SLIT3: variants seen among roughly 807,000 people sequenced by gnomAD.
SLIT3 encodes slit guidance ligand 3, also known as slit homolog 3 protein.
SLIT3 carries 68 observed loss-of-function variants against 184.0 expected under a neutral mutation model. The ratio of observed to expected loss-of-function variants is 0.37; its 90% CI spans 0.30 to 0.45. SLIT3 has a LOEUF of 0.45. Among genes scored for constraint, SLIT3 ranks in the 20% least tolerant of loss-of-function variants. The pLI, the probability that SLIT3 is intolerant of heterozygous loss-of-function variation, is 1.00. For synonymous variants in SLIT3, 831 were observed against 828.6 expected (o/e 1.00, Z -0.05); for missense variants, 1,707 against 2,026.0 (o/e 0.84, Z 3.02).
intron 4 of SLIT3, among the ~76,000 whole-genome samples, chr5:169,182,718 G>C (rs1327377657): frequency 2.0e-5 from 3 of 152,104 alleles, no homozygotes; most frequent in Admixed American, 2.0e-4. Flanking sequence ...TGTGTGTTTG[G>C]GTTCTGCTCA....
At chr5:168,998,629 G>C (rs895038589) in intron 4 of SLIT3, among the ~76,000 whole-genome samples, 6 of 151,998 alleles carry the variant, frequency 3.9e-5, no homozygotes, top group African/African-American at 1.5e-4. Context: ...GCTTGAACCC[G>C]AGAGGCAGAG....
At chr5:168,837,219 C>G (rs1181800019) in intron 6 of SLIT3, among the ~76,000 whole-genome samples, 1 of 152,092 alleles carries the variant, frequency 6.6e-6, no homozygotes, top group African/African-American at 2.4e-5. Flanking sequence ...ATTTACAGCA[C>G]AGTACCAAAA....
intron 19 of SLIT3, 27 bp from the exon 20 acceptor site, chr5:168,748,461 G>A (rs747190941): frequency 1.3e-6 from 2 of 1,507,242 alleles, no homozygotes. Context: ...AGAGGGTGAG[G>A]GTTGTGGGAG....
intron 4 of SLIT3, among the ~76,000 whole-genome samples, chr5:169,083,683 T>C (rs577319947): frequency 6.6e-6 from 1 of 152,254 alleles, no homozygotes; most frequent in East Asian, 1.9e-4. Flanking sequence ...AGGGCTGCAG[T>C]CAGCCATCAC....
At chr5:169,105,119 T>C (rs1329001757) in intron 4 of SLIT3, among the ~76,000 whole-genome samples, 1 of 152,220 alleles carries the variant, frequency 6.6e-6, no homozygotes, top group Non-Finnish European at 1.5e-5. Flanking sequence ...GGCAGGTTTC[T>C]GGCAGATCCA....
chr5:168,938,726 GT>G (rs1434683877), intron 4 of SLIT3, among the ~76,000 whole-genome samples: 1 of 152,090 alleles, frequency 6.6e-6, no homozygotes, highest in Non-Finnish European at 1.5e-5. Flanking sequence ...CTCCTCCCGG[GT>G]TCAAGCGATT....
At chr5:168,808,040 C>T (rs1056441924) in intron 8 of SLIT3, among the ~76,000 whole-genome samples, 2 of 152,170 alleles carry the variant, frequency 1.3e-5, no homozygotes, top group Non-Finnish European at 2.9e-5. Context: ...ACCTCACTTA[C>T]ATATACACAA....
chr5:169,222,709 A>C (rs1481534034), intron 3 of SLIT3, among the ~76,000 whole-genome samples: 1 of 152,248 alleles, frequency 6.6e-6, no homozygotes, highest in South Asian at 2.1e-4. Context: ...CTTAGCTTGC[A>C]AAACATAATG....
At chr5:169,257,785 C>A (rs183295762) in intron 1 of SLIT3, among the ~76,000 whole-genome samples, 182 of 152,102 alleles carry the variant, frequency 1.2e-3, no homozygotes, top group Middle Eastern at 6.8e-3. Flanking sequence ...AAACTCCTGA[C>A]CTCAGGTGAT....
rs771724673 is a variant in SLIT3, at chr5:168,696,359, G to A, written c.3015C>T (p.Cys1005=). ...CGTCCACGCAGGTGGCATTGTTTTC[G>A]CAGTCGTTGTCCTCACAGTCATCTG... is the stretch of plus-strand genomic sequence containing the variant. ...INPDDCEDND[C]ENNATCVDGI... Residue 1005 remains cysteine, a synonymous_variant, in exon 28 of 36, where the codon TGC becomes TGT. Coordinates refer to ENST00000519560, the MANE Select transcript of SLIT3 (RefSeq NM_003062.4). 85 of 1,614,000 alleles carry A rather than the reference G, an allele frequency of 5.3e-5. No individual in the cohort carries two copies. Among genetic ancestry groups the A allele is most frequent in the Non-Finnish European group, 6.5e-5 (77 of 1,180,026 alleles).
At chr5:169,196,478 G>A (rs1581043107) in intron 3 of SLIT3, among the ~76,000 whole-genome samples, 1 of 152,200 alleles carries the variant, frequency 6.6e-6, no homozygotes, top group Non-Finnish European at 1.5e-5. Flanking sequence ...CAACAGTGAT[G>A]ATAATGGTAT....
intron 23 of SLIT3, among the ~76,000 whole-genome samples, chr5:168,722,001 A>G (rs1288541755): frequency 6.6e-6 from 1 of 152,360 alleles, no homozygotes; most frequent in East Asian, 1.9e-4. Context: ...CATTTTACAC[A>G]TAAAGAAGCA....
intron 28 of SLIT3, among the ~76,000 whole-genome samples, chr5:168,693,526 A>G (rs1358349032): frequency 6.6e-6 from 1 of 152,202 alleles, no homozygotes; most frequent in Non-Finnish European, 1.5e-5. Context: ...GTAAGGCAGG[A>G]CAGCAGCTCC....
intron 4 of SLIT3, among the ~76,000 whole-genome samples, chr5:169,138,223 G>C (rs1761593260): frequency 1.3e-5 from 2 of 152,158 alleles, no homozygotes; most frequent in African/African-American, 4.8e-5. Flanking sequence ...TGCAATATGG[G>C]AGCTCTCCCG....
intron 4 of SLIT3, among the ~76,000 whole-genome samples, chr5:169,000,392 CAAAAA>C (rs34002967): frequency 7.1e-5 from 3 of 42,316 alleles, no homozygotes; most frequent in African/African-American, 2.0e-4. Context: ...AACTCCATCT[CAAAAA>C]AAAAAAAAAA....
chr5:169,168,865 C>T lies in SLIT3; in HGVS notation c.413+24614G>A, dbSNP rs1485517696. Among the ~76,000 whole-genome samples the T allele has an allele frequency of 9.3e-5, 7 of 75,062 alleles. No individual in the cohort carries two copies. In the East Asian group the frequency reaches 3.2e-3, roughly 35 times the overall value. The allele number at this position is 75,062 out of a possible 152,430, so 49.2% of individuals were successfully genotyped here. On this transcript the variant is annotated intron_variant, in intron 4 of 35. Coordinates refer to ENST00000519560, the MANE Select transcript of SLIT3 (RefSeq NM_003062.4). Reference sequence around the variant, plus strand: ...AATTGGGGCAAATTATGGAGAAGTTCCTTGATTGCTGGCATTGGCCAGTGG... The same window carrying T: ...AATTGGGGCAAATTATGGAGAAGTTTCTTGATTGCTGGCATTGGCCAGTGG...
intron 26 of SLIT3, among the ~76,000 whole-genome samples, chr5:168,703,099 A>G (rs554570051): frequency 6.6e-6 from 1 of 152,310 alleles, no homozygotes; most frequent in East Asian, 1.9e-4. Context: ...TCCTTGAAAA[A>G]TAATCACTAT....
chr5:169,022,444 CTATTTAG>C (rs1756637303), intron 4 of SLIT3, among the ~76,000 whole-genome samples: 1 of 152,064 alleles, frequency 6.6e-6, no homozygotes, highest in Non-Finnish European at 1.5e-5. Context: ...CAAGTGCCTG[CTATTTAG>C]TTTTTGTGAA....
At chr5:168,754,061 G>A (rs76476428) in intron 16 of SLIT3, 54 bp from the exon 17 acceptor site, 143,290 of 1,511,326 alleles carry the variant, frequency 0.095, 7,498 homozygotes, top group Non-Finnish European at 0.11. Flanking sequence ...TGGTCTTGAT[G>A]CCGGGAGGGG....
Sources: gnomAD v4.1 joint callset for allele counts (sites outside exome capture counted in the v4.1 genomes callset) on GRCh38, gnomAD v4.1.1 for gene constraint, MANE v1.5 for transcripts, NCBI Gene and HGNC (gene_info 2026-07-23, HGNC 2026-07-21) for gene names.